The following WNT8A variants were observed in gnomAD, a reference collection of about 807,000 sequenced individuals.
WNT8A encodes Wnt family member 8A, also known as protein Wnt-8a.
Under a neutral mutation model 20.5 loss-of-function variants are expected in WNT8A, and 14 were observed. The observed-to-expected ratio is 0.68, with a 90% confidence interval of 0.45 to 1.07. The LOEUF is 1.07. Ranked by LOEUF, WNT8A falls within the 50% of genes least tolerant of loss-of-function variation. The pLI is 0.00. For synonymous variants in WNT8A, 167 were observed against 169.2 expected (o/e 0.99, Z 0.10); for missense variants, 397 against 462.9 (o/e 0.86, Z 1.31).
upstream of WNT8A, among the ~76,000 whole-genome samples, chr5:138,081,631 C>T (rs1019177504): frequency 6.6e-6 from 1 of 151,942 alleles, no homozygotes; most frequent in African/African-American, 2.4e-5. Context: ...TCGCTTAACT[C>T]AAGTCTGGGA....
chr5:138,091,026 G>A lies in WNT8A; in HGVS notation c.1063G>A (p.Ala355Thr), dbSNP rs570741196. ...GCATGTGGTGAGCAAGTATTACTGC[G>A]CACGCTCCCCAGGCAGTGCCCAGTC... is the stretch of plus-strand genomic sequence containing the variant. ...CRHVVSKYYC[A>T]RSPGSAQSLG... Residue 355 changes from alanine to threonine, a missense_variant, in exon 5 of 5, where the codon GCA becomes ACA. Physicochemically the swap from Ala to Thr is moderately conservative, Grantham distance 58. Transcript: ENST00000506684. 2.9e-5 allele frequency: 46 copies of A among 1,613,928 alleles called. No homozygotes were observed. The highest frequency in any genetic ancestry group is 9.9e-5 in the South Asian group (9 of 91,074).
chr5:138,079,802 A>C (rs151291557), upstream of WNT8A, among the ~76,000 whole-genome samples: 1 of 152,324 alleles, frequency 6.6e-6, no homozygotes, highest in East Asian at 1.9e-4. Context: ...AGCTGGGATT[A>C]AGGAAATTGA....
chr5:138,084,862 A>G (rs1007767902), intron 2 of WNT8A, among the ~76,000 whole-genome samples: 1 of 152,202 alleles, frequency 6.6e-6, no homozygotes, highest in African/African-American at 2.4e-5. Context: ...TTAGTTCATC[A>G]GAAGTATCCT....
chr5:138,082,982 C>T (rs1750548346), upstream of WNT8A, among the ~76,000 whole-genome samples: 1 of 151,796 alleles, frequency 6.6e-6, no homozygotes, highest in Non-Finnish European at 1.5e-5. Context: ...AAAGTAGTAT[C>T]AGAAAGAAAG....
At chr5:138,088,892 G>A (rs1750756495) in intron 3 of WNT8A, 35 bp from the exon 4 acceptor site, 3 of 1,608,794 alleles carry the variant, frequency 1.9e-6, no homozygotes, top group South Asian at 2.2e-5. Flanking sequence ...TGAGCATGGA[G>A]CTACACGGAG....
chr5:138,089,074 G>A lies in WNT8A; in HGVS notation c.564+5G>A, dbSNP rs1217981007. ...AACAACAGGGCCGGCAGACTGGTGG[G>A]TATAGGCATTGTGGCCAGTATTTCT... is the stretch of plus-strand genomic sequence containing the variant. On this transcript the variant is annotated splice_donor_5th_base_variant and intron_variant, in intron 4 of 4. Coordinates refer to ENST00000506684, the MANE Select transcript of WNT8A (RefSeq NM_001300939.2). 1.9e-6 allele frequency: 3 copies of A among 1,611,896 alleles called. No individual in the cohort carries two copies. In the Admixed American group the frequency reaches 5.0e-5, roughly 27 times the overall value.
intron 2 of WNT8A, among the ~76,000 whole-genome samples, chr5:138,085,986 T>C (rs1314170927): frequency 1.3e-5 from 2 of 151,760 alleles, no homozygotes; most frequent in Admixed American, 1.3e-4. Context: ...AAGAGTTCAG[T>C]AGGTGGCAGT....
chr5:138,081,239 A>G (rs1383858683), upstream of WNT8A, among the ~76,000 whole-genome samples: 4 of 152,134 alleles, frequency 2.6e-5, no homozygotes, highest in East Asian at 3.9e-4. Flanking sequence ...AAAAAAAAAA[A>G]AAAGAAAAAC....
chr5:138,082,307 G>A (rs577115423), upstream of WNT8A, among the ~76,000 whole-genome samples: 14 of 152,302 alleles, frequency 9.2e-5, no homozygotes, highest in East Asian at 1.4e-3. Context: ...GGCTGGGTGC[G>A]GTGGCTCATG....
intron 3 of WNT8A, 60 bp from the exon 4 acceptor site, chr5:138,088,867 G>C: frequency 6.3e-7 from 1 of 1,583,606 alleles, no homozygotes; most frequent in African/African-American, 1.3e-5. Flanking sequence ...GGGTGGTTTG[G>C]CGGGTGACTG....
In WNT8A at chr5:138,091,361, A is replaced by G. The variant is rs751396450; in HGVS notation, c.*288A>G. The G allele has an allele frequency of 7.0e-7, 1 of 1,423,510 alleles. No individual in the cohort carries two copies. The highest frequency in any genetic ancestry group is 9.4e-7 in the Non-Finnish European group (1 of 1,069,074). 88.2% of individuals were successfully genotyped at this position (1,423,510 alleles called of 1,614,324 possible). On this transcript the variant is annotated 3_prime_UTR_variant, in exon 5 of 5. Coordinates refer to ENST00000506684, the MANE Select transcript of WNT8A (RefSeq NM_001300939.2). ...TGTACTTATGCAGCTTTCTACAGGGAGAGTTTGGTTTGGGGTCTATATCTA... is the reference window on the plus strand; with the variant it reads ...TGTACTTATGCAGCTTTCTACAGGGGGAGTTTGGTTTGGGGTCTATATCTA...
rs371717308 is a variant in WNT8A at position 138,084,883 on chromosome 5, T to C, written c.295+247T>C. Among the ~76,000 whole-genome samples the C allele has an allele frequency of 3.3e-5, 5 of 152,236 alleles. No individual in the cohort carries two copies. The East Asian group carries it at 5.8e-4, about 18-fold the overall frequency. On this transcript the variant is annotated intron_variant, in intron 2 of 4. Transcript: ENST00000506684. ...CATCAGAAGTATCCTATGGGTTGAA[T>C]GAGGTGGGTATGAGGTGTCTCTATG...
chr5:138,085,625 G>A (rs1004006864), intron 2 of WNT8A, among the ~76,000 whole-genome samples: 1 of 152,076 alleles, frequency 6.6e-6, no homozygotes, highest in Non-Finnish European at 1.5e-5. Flanking sequence ...AAGGCAGGAG[G>A]ATCGCTTGAG....
At chr5:138,082,677 A>G (rs1347593426), upstream of WNT8A, among the ~76,000 whole-genome samples, 1 of 151,894 alleles carries the variant, frequency 6.6e-6, no homozygotes, top group Non-Finnish European at 1.5e-5. Context: ...TAAGAGATCG[A>G]GACCATCCCG....
chr5:138,088,881 C>T, intron 3 of WNT8A, 46 bp from the exon 4 acceptor site: 1 of 1,598,862 alleles, frequency 6.3e-7, no homozygotes, highest in Non-Finnish European at 8.5e-7. Context: ...GTGACTGGGA[C>T]TGAGCATGGA....
upstream of WNT8A, among the ~76,000 whole-genome samples, chr5:138,081,349 A>T (rs1750507655): frequency 6.6e-6 from 1 of 152,014 alleles, no homozygotes; most frequent in South Asian, 2.1e-4. Flanking sequence ...ATTTTTTTGT[A>T]GAGTACCAAT....
chr5:138,080,441 C>CTTTTTTT (rs1554086762), upstream of WNT8A, among the ~76,000 whole-genome samples: 2 of 56,372 alleles, frequency 3.5e-5, no homozygotes, highest in Non-Finnish European at 6.9e-5. Flanking sequence ...CTCTGTAAAT[C>CTTTTTTT]TTGTTTTTTT....
upstream of WNT8A, among the ~76,000 whole-genome samples, chr5:138,081,020 T>C (rs1225893231): frequency 6.6e-6 from 1 of 151,948 alleles, no homozygotes; most frequent in Non-Finnish European, 1.5e-5. Flanking sequence ...GACGGGTGGA[T>C]CACGAGGTCA....
chr5:138,087,561 G>C (rs1264407398), intron 2 of WNT8A, among the ~76,000 whole-genome samples: 1 of 143,168 alleles, frequency 7.0e-6, no homozygotes, highest in Non-Finnish European at 1.5e-5. Context: ...GGAGGCTGGG[G>C]CAGGAGAATT....
Sources: gnomAD v4.1 joint callset for allele counts (sites outside exome capture counted in the v4.1 genomes callset) on GRCh38, gnomAD v4.1.1 for gene constraint, MANE v1.5 for transcripts, NCBI Gene and HGNC (gene_info 2026-07-23, HGNC 2026-07-21) for gene names.